The following ZNF487 variants were observed in gnomAD, a reference collection of about 807,000 sequenced individuals.
ZNF487 encodes the protein zinc finger protein 487, also known as KRAB domain only 1.
A neutral mutation model predicts 3.0 loss-of-function variants in ZNF487; 4 were observed. That is an observed-to-expected ratio of 1.35 (90% CI 0.66 to 3.08). ZNF487 has a LOEUF of 3.08. Among genes scored for constraint, ZNF487 ranks in the 30% most tolerant of loss-of-function variants. The pLI is 0.01. For synonymous variants in ZNF487, 55 were observed against 34.6 expected, an observed-to-expected ratio of 1.59 and a Z score of -2.06; for missense variants, 146 against 98.7, an observed-to-expected ratio of 1.48 and a Z score of -2.03.
At position 43,479,972 on chromosome 10, in the gene ZNF487, TTTCTTTCTTTCC is replaced by T. The variant is rs1465915805; in HGVS notation, c.131-1445_131-1434del. 6.2e-3 allele frequency among the ~76,000 whole-genome samples: 200 copies of T among 32,492 alleles called. 8 individuals carry two copies. The highest frequency in any genetic ancestry group is 0.014 in the African/African-American group (182 of 13,004). The allele number at this position is 32,492 out of a possible 152,430, so 21.3% of individuals were successfully genotyped here. On this transcript the variant is annotated intron_variant, in intron 3 of 3. Coordinates refer to ENST00000437590, the MANE Select transcript of ZNF487 (RefSeq NM_001355444.3). ...CACCTGACTCTCTTTCTTTCTTTCT[TTTCTTTCTTTCC>T]TTCTTTCTTTCTTTCTTTCTTTCTT...
intron 1 of ZNF487, among the ~76,000 whole-genome samples, chr10:43,464,723 ATTC>A (rs1007992118): frequency 2.6e-5 from 4 of 152,230 alleles, no homozygotes; most frequent in South Asian, 4.1e-4. Flanking sequence ...CCAAGGCAGA[ATTC>A]TTCTTAGTAC....
chr10:43,465,001 A>AC (rs1215288762), intron 1 of ZNF487, among the ~76,000 whole-genome samples: 10 of 119,616 alleles, frequency 8.4e-5, no homozygotes, highest in East Asian at 4.8e-4. Context: ...GCGGGGGCTG[A>AC]CCCCCCCACC....
chr10:43,515,569 A>G, the ZNF487 span, among the ~76,000 whole-genome samples: 1 of 152,240 alleles, frequency 6.6e-6, no homozygotes, highest in Non-Finnish European at 1.5e-5. Context: ...TTCTTTTCCA[A>G]TCAATGCCCT....
intron 1 of ZNF487, among the ~76,000 whole-genome samples, chr10:43,473,627 T>C (rs1415278347): frequency 6.6e-5 from 10 of 152,058 alleles, no homozygotes; most frequent in African/African-American, 2.4e-4. Flanking sequence ...CACGCCATTC[T>C]CCTGCCTCAG....
the ZNF487 span, among the ~76,000 whole-genome samples, chr10:43,489,066 C>T: frequency 2.6e-4 from 39 of 152,230 alleles, no homozygotes; most frequent in Non-Finnish European, 4.3e-4. Context: ...ACAGTGATCA[C>T]GCCAGCCCAG....
At chr10:43,471,579 G>A (rs1341342455) in intron 1 of ZNF487, among the ~76,000 whole-genome samples, 1 of 152,176 alleles carries the variant, frequency 6.6e-6, no homozygotes, top group Non-Finnish European at 1.5e-5. Context: ...CTGAAGGATG[G>A]TGAAGTCAGA....
the ZNF487 span, among the ~76,000 whole-genome samples, chr10:43,493,687 C>CAAAAAAAAAAAAA: frequency 4.4e-4 from 6 of 13,520 alleles, 2 homozygotes; most frequent in African/African-American, 2.1e-3. Flanking sequence ...GACCCTTCCT[C>CAAAAAAAAAAAAA]AAAAAAAGAA....
the ZNF487 span, among the ~76,000 whole-genome samples, chr10:43,503,994 G>A: frequency 6.6e-6 from 1 of 152,118 alleles, no homozygotes; most frequent in Non-Finnish European, 1.5e-5. Flanking sequence ...CTTGCCTACA[G>A]TATTCAGTAT....
At chr10:43,518,798 C>T in the ZNF487 span, among the ~76,000 whole-genome samples, 1 of 152,200 alleles carries the variant, frequency 6.6e-6, no homozygotes, top group Admixed American at 6.5e-5. Flanking sequence ...TTATTCACAA[C>T]TCTCTTATAC....
At chr10:43,510,826 G>A in the ZNF487 span, among the ~76,000 whole-genome samples, 10 of 152,190 alleles carry the variant, frequency 6.6e-5, no homozygotes, top group African/African-American at 9.7e-5. Flanking sequence ...GATTATAGGC[G>A]TGAGCCACCG....
At chr10:43,440,657 C>CA (rs879288811) in intron 1 of ZNF487, among the ~76,000 whole-genome samples, 395 of 133,962 alleles carry the variant, frequency 2.9e-3, no homozygotes, top group Middle Eastern at 7.8e-3. Flanking sequence ...GACTCTGTCT[C>CA]AAAAAAAAAA....
the ZNF487 span, among the ~76,000 whole-genome samples, chr10:43,494,220 A>T: frequency 6.6e-6 from 1 of 152,172 alleles, no homozygotes; most frequent in Non-Finnish European, 1.5e-5. Flanking sequence ...CTTAGACAAT[A>T]CACAAACACA....
intron 3 of ZNF487, among the ~76,000 whole-genome samples, chr10:43,480,047 T>TGCTTCCTTCCTTCCTTCCTTC (rs1841289178): frequency 7.3e-6 from 1 of 137,926 alleles, no homozygotes; most frequent in Non-Finnish European, 1.6e-5. Flanking sequence ...TTCTTTCTTT[T>TGCTTCCTTCCTTCCTTCCTTC]TCTTTCTTTC....
chr10:43,490,861 A>AT, the ZNF487 span, among the ~76,000 whole-genome samples: 1 of 148,244 alleles, frequency 6.7e-6, no homozygotes, highest in Non-Finnish European at 1.5e-5. Flanking sequence ...TTTAGTAGAG[A>AT]TGGGGTTTCT....
chr10:43,447,255 T>TTTTTCTTTTCTTTTC (rs1474952499), intron 1 of ZNF487, among the ~76,000 whole-genome samples: 2 of 151,758 alleles, frequency 1.3e-5, no homozygotes, highest in Non-Finnish European at 2.9e-5. Flanking sequence ...ACAACATTTT[T>TTTTTCTTTTCTTTTC]TTTTTGAGAC....
At chr10:43,472,859 A>G (rs969468146) in intron 1 of ZNF487, among the ~76,000 whole-genome samples, 15 of 151,964 alleles carry the variant, frequency 9.9e-5, no homozygotes, top group African/African-American at 3.6e-4. Flanking sequence ...ATAAGCATTT[A>G]TAATTATGTC....
At chr10:43,519,469 G>GTTT in the ZNF487 span, among the ~76,000 whole-genome samples, 5 of 140,208 alleles carry the variant, frequency 3.6e-5, no homozygotes, top group African/African-American at 2.6e-5. Flanking sequence ...TAAAATGTAA[G>GTTT]TTTTTTTTTT....
At chr10:43,500,006 C>T in the ZNF487 span, among the ~76,000 whole-genome samples, 1 of 152,140 alleles carries the variant, frequency 6.6e-6, no homozygotes, top group Non-Finnish European at 1.5e-5. Context: ...GCCTCAGCCT[C>T]CTGAGTAGCT....
chr10:43,445,759 G>A (rs891693089), intron 1 of ZNF487, among the ~76,000 whole-genome samples: 5 of 152,124 alleles, frequency 3.3e-5, no homozygotes, highest in Non-Finnish European at 5.9e-5. Context: ...GGACAATAGA[G>A]GAGAGAAGTT....
Sources: gnomAD v4.1 joint callset for allele counts (sites outside exome capture counted in the v4.1 genomes callset) on GRCh38, gnomAD v4.1.1 for gene constraint, MANE v1.5 for transcripts, NCBI Gene and HGNC (gene_info 2026-07-23, HGNC 2026-07-21) for gene names.